The following CSMD1 variants were observed in gnomAD, a reference collection of about 807,000 sequenced individuals.
The protein encoded by CSMD1 is CUB and sushi domain-containing protein 1.
CSMD1 carries 213 observed loss-of-function variants against 417.5 expected under a neutral mutation model. The observed-to-expected ratio is 0.51, with a 90% CI of 0.46 to 0.57. The LOEUF (loss-of-function observed/expected upper bound fraction) is 0.57. Ranked by LOEUF, CSMD1 falls within the 20% of genes least tolerant of loss-of-function variation. The pLI, the probability that CSMD1 is intolerant of heterozygous loss-of-function variation, is 0.00. For missense variants in CSMD1, 6,923 were observed against 4,529.7 expected (o/e 1.53, Z -15.17); for synonymous variants, 2,862 against 1,736.8 (o/e 1.65, Z -16.11).
intron 3 of CSMD1, among the ~76,000 whole-genome samples, chr8:4,297,963 G>A (rs1797774816): frequency 6.6e-6 from 1 of 152,150 alleles, no homozygotes; most frequent in Non-Finnish European, 1.5e-5. Context: ...CGGATTACCT[G>A]AAGAGTGAAT....
rs572794461 is a variant in CSMD1 at position 4,071,352 on chromosome 8, T to A, written c.416-39253A>T. On this transcript the variant is annotated intron_variant, in intron 3 of 69. Coordinates refer to ENST00000635120, the MANE Select transcript of CSMD1 (RefSeq NM_033225.6). ...GACTAACATCATCAAGCTCCCTAACTCTTATGTCATTTTGTATCTGTTAAG... is the reference window on the plus strand; with the variant it reads ...GACTAACATCATCAAGCTCCCTAACACTTATGTCATTTTGTATCTGTTAAG... Among the ~76,000 whole-genome samples the A allele has an allele frequency of 5.3e-5, 8 of 152,276 alleles. No homozygotes were observed. In the East Asian group the frequency reaches 1.5e-3, roughly 29 times the overall value.
chr8:3,662,065 T>C lies in CSMD1; in HGVS notation c.1010-45268A>G, dbSNP rs536145561. On this transcript the variant is annotated intron_variant, in intron 7 of 69. Coordinates refer to ENST00000635120, the MANE Select transcript of CSMD1 (RefSeq NM_033225.6). ...GAAAACATGAAAGGCAACTGCTCAGTAGTTGTGTAGAAACAGAGAAGGAGC... is the reference window on the plus strand; with the variant it reads ...GAAAACATGAAAGGCAACTGCTCAGCAGTTGTGTAGAAACAGAGAAGGAGC... Among the ~76,000 whole-genome samples, 129 of 152,272 alleles carry C rather than the reference T, an allele frequency of 8.5e-4. 3 individuals carry two copies. The South Asian group carries it at 0.024, about 28-fold the overall frequency.
intron 1 of CSMD1, among the ~76,000 whole-genome samples, chr8:4,847,851 G>A (rs981883925): frequency 6.8e-6 from 1 of 147,512 alleles, no homozygotes; most frequent in African/African-American, 2.5e-5. Flanking sequence ...AAATTTCAGT[G>A]TTTCATTATA....
intron 12 of CSMD1, among the ~76,000 whole-genome samples, chr8:3,455,841 C>A (rs2117127754): frequency 6.6e-6 from 1 of 152,334 alleles, no homozygotes; most frequent in East Asian, 1.9e-4. Context: ...TCAAAGATGT[C>A]AGACAGGGAC....
At chr8:4,770,865 C>T (rs188327497) in intron 1 of CSMD1, among the ~76,000 whole-genome samples, 102 of 152,196 alleles carry the variant, frequency 6.7e-4, no homozygotes, top group African/African-American at 2.2e-3. Flanking sequence ...CCAGAATACA[C>T]AGGGGAAATG....
chr8:3,149,777 T>C (rs903147071), intron 40 of CSMD1, among the ~76,000 whole-genome samples: 6 of 152,172 alleles, frequency 3.9e-5, no homozygotes, highest in African/African-American at 1.4e-4. Context: ...CATAACCTTA[T>C]GTGGGTATTT....
At chr8:4,603,729 A>G (rs1800717048) in intron 2 of CSMD1, among the ~76,000 whole-genome samples, 2 of 152,164 alleles carry the variant, frequency 1.3e-5, no homozygotes, top group African/African-American at 4.8e-5. Context: ...ATGCTAATGA[A>G]AAAATATTGT....
At chr8:4,703,542 G>T (rs1049521854) in intron 1 of CSMD1, among the ~76,000 whole-genome samples, 1 of 152,008 alleles carries the variant, frequency 6.6e-6, no homozygotes, top group African/African-American at 2.4e-5. Flanking sequence ...TATCAATTTT[G>T]CAAGGAATTA....
At chr8:2,940,050 G>T (rs1378829448) in intron 69 of CSMD1, among the ~76,000 whole-genome samples, 1 of 152,204 alleles carries the variant, frequency 6.6e-6, no homozygotes, top group Non-Finnish European at 1.5e-5. Flanking sequence ...CAACATGCAA[G>T]CAACAGACTC....
chr8:3,267,106 G>A (rs1052041686), intron 26 of CSMD1, among the ~76,000 whole-genome samples: 23 of 152,136 alleles, frequency 1.5e-4, no homozygotes, highest in African/African-American at 5.3e-4. Flanking sequence ...AAAATCAGGA[G>A]AGAAAGAGGC....
chr8:4,907,550 CT>C (rs1348862398), intron 1 of CSMD1, among the ~76,000 whole-genome samples: 1 of 28,050 alleles, frequency 3.6e-5, no homozygotes, highest in Admixed American at 2.1e-4. Flanking sequence ...GTTTGTGTTT[CT>C]TTTTGTTGTT....
At chr8:4,630,760 G>A (rs758816725) in intron 2 of CSMD1, among the ~76,000 whole-genome samples, 18 of 152,074 alleles carry the variant, frequency 1.2e-4, no homozygotes, top group Non-Finnish European at 2.2e-4. Flanking sequence ...AGGTTTCTAA[G>A]CATTGATGGG....
intron 49 of CSMD1, among the ~76,000 whole-genome samples, chr8:3,081,943 T>C (rs1309922941): frequency 6.6e-6 from 1 of 152,152 alleles, no homozygotes; most frequent in African/African-American, 2.4e-5. Context: ...TCAAAATCAA[T>C]TTCATGAAGC....
chr8:4,282,855 C>T (rs1050900705), intron 3 of CSMD1, among the ~76,000 whole-genome samples: 1 of 152,122 alleles, frequency 6.6e-6, no homozygotes, highest in Non-Finnish European at 1.5e-5. Context: ...GACAAACGTT[C>T]ATTTTCTAAA....
intron 46 of CSMD1, among the ~76,000 whole-genome samples, chr8:3,104,006 G>C (rs904343457): frequency 3.3e-5 from 5 of 151,966 alleles, no homozygotes; most frequent in African/African-American, 1.2e-4. Context: ...GCCTCCCAAA[G>C]TTCTGGGATT....
chr8:3,110,259 C>T lies in CSMD1; in HGVS notation c.6507G>A (p.Leu2169=), dbSNP rs747624650. The T allele has an allele frequency of 6.2e-7, 1 of 1,613,450 alleles. No homozygotes were observed. Among genetic ancestry groups the T allele is most frequent in the Non-Finnish European group, 8.5e-7 (1 of 1,179,698 alleles). ...SPGFPDEYPI[L]KDCIWLITVP... is the part of the protein sequence containing the mutation. ...CCGTGATGAGCCAAATGCAGTCCTT[C>T]AGGATCGGATACTCATCAGGAAAGC... Residue 2169 remains leucine, a synonymous_variant, in exon 43 of 70, where the codon CTG becomes CTA. Coordinates refer to ENST00000635120, the MANE Select transcript of CSMD1 (RefSeq NM_033225.6).
chr8:4,803,356 C>T (rs1798412427), intron 1 of CSMD1, among the ~76,000 whole-genome samples: 1 of 152,132 alleles, frequency 6.6e-6, no homozygotes, highest in South Asian at 2.1e-4. Flanking sequence ...AAAAGGGTTT[C>T]AGTTACTATT....
intron 1 of CSMD1, among the ~76,000 whole-genome samples, chr8:4,738,123 T>C (rs565269423): frequency 6.6e-6 from 1 of 152,332 alleles, no homozygotes; most frequent in South Asian, 2.1e-4. Context: ...CACAGTTTTC[T>C]GTGCAAGGTC....
At chr8:4,014,656 A>G (rs1796436492) in intron 4 of CSMD1, among the ~76,000 whole-genome samples, 6 of 152,220 alleles carry the variant, frequency 3.9e-5, no homozygotes, top group Admixed American at 3.3e-4. Flanking sequence ...CTTAGCAAGA[A>G]AAGAGCTCGT....
Sources: allele counts gnomAD v4.1 joint callset (sites outside exome capture counted in the v4.1 genomes callset), GRCh38; gene constraint gnomAD v4.1.1; transcripts MANE v1.5; gene names NCBI Gene and HGNC (gene_info 2026-07-23, HGNC 2026-07-21).